Variants in ZNF226 observed in about 807,000 individuals in gnomAD.
ZNF226 encodes Kruppel-associated box protein.
A neutral mutation model predicts 11.4 loss-of-function variants in ZNF226; 6 were observed. That is an observed-to-expected ratio of 0.53 (90% confidence interval 0.29 to 1.04). The LOEUF (loss-of-function observed/expected upper bound fraction) is 1.04. Ranked by LOEUF, ZNF226 falls within the 50% of genes least tolerant of loss-of-function variation. The pLI is 0.08. For missense variants in ZNF226, 1,058 were observed against 956.5 expected (o/e 1.11, Z -1.40); for synonymous variants, 350 against 322.8 (o/e 1.08, Z -0.90).
At chr19:44,169,934 C>T in intron 2 of ZNF226, 101 bp from the exon 3 acceptor site, 2 of 642,842 alleles carry the variant, frequency 3.1e-6, no homozygotes, top group Non-Finnish European at 5.0e-6. Context: ...AAAGCTGCAG[C>T]CACCCCAAGA....
the ZNF226 span, among the ~76,000 whole-genome samples, chr19:44,189,753 T>C: frequency 6.6e-6 from 1 of 152,228 alleles, no homozygotes; most frequent in Non-Finnish European, 1.5e-5. Context: ...AGTCTCATTA[T>C]GATAAAGATT....
the ZNF226 span, among the ~76,000 whole-genome samples, chr19:44,186,853 T>C: frequency 5.5e-5 from 8 of 146,564 alleles, no homozygotes; most frequent in Non-Finnish European, 8.9e-5. Flanking sequence ...TTAGGTACTT[T>C]CCTTTCATTT....
downstream of ZNF226, among the ~76,000 whole-genome samples, chr19:44,181,063 C>A (rs757707425): frequency 6.6e-6 from 1 of 152,126 alleles, no homozygotes; most frequent in Non-Finnish European, 1.5e-5. Context: ...GTGTCCAGTT[C>A]TTTTGGCCTT....
rs1400924491 is a variant in ZNF226, at chr19:44,175,708, T to C, written c.446T>C (p.Ile149Thr). The C allele has an allele frequency of 4.3e-6, 7 of 1,612,632 alleles. No homozygotes were observed. The highest frequency in any genetic ancestry group is 1.6e-4 in the Middle Eastern group (1 of 6,080). The part of the protein sequence containing the change: ...SIQISEDENY[I>T]VNKADGPNNT... ...CAAATTTCTGAAGATGAGAACTATA[T>C]AGTAAATAAAGCAGATGGTCCCAAT... The change falls in exon 6 of 6, where the codon ATA (isoleucine) becomes ACA (threonine). Residue 149 changes from isoleucine (I) to threonine (T), a missense_variant. Physicochemically the swap from Ile to Thr is moderately conservative, Grantham distance 89. Coordinates refer to ENST00000337433, the MANE Select transcript of ZNF226 (RefSeq NM_001032373.2).
Position 44,176,698 on chromosome 19 carries a change from T to C in ZNF226, c.1436T>C (p.Val479Ala). 2 of 1,613,306 alleles carry C rather than the reference T, an allele frequency of 1.2e-6. No individual in the cohort carries two copies. The highest frequency in any genetic ancestry group is 1.7e-6 in the Non-Finnish European group (2 of 1,179,812). The change falls in exon 6 of 6, where the codon GTA becomes GCA. Residue 479 changes from valine (V) to alanine (A), a missense_variant. By Grantham distance (64) the Val-to-Ala change is moderately conservative. Coordinates refer to ENST00000337433, the MANE Select transcript of ZNF226 (RefSeq NM_001032373.2). ...HTGEKSYICT[V>A]CGKGFTLSSN... ...GGAGAGAAGTCATACATATGTACTG[T>C]ATGTGGGAAAGGCTTTACTCTGAGT... is the stretch of plus-strand genomic sequence containing the variant.
At chr19:44,197,766 A>G in the ZNF226 span, among the ~76,000 whole-genome samples, 1 of 152,194 alleles carries the variant, frequency 6.6e-6, no homozygotes, top group Non-Finnish European at 1.5e-5. Flanking sequence ...TCTGCTTACA[A>G]GCCTTTTGAC....
Position 44,172,754 on chromosome 19 carries a change from A to G in ZNF226, c.143-106A>G, listed in dbSNP as rs548916116. ...AAGTCACAATTTAAATAAAAGTTTGAAAAACACTGCTTTCAGTGTCTTGAA... is the reference window on the plus strand; with the variant it reads ...AAGTCACAATTTAAATAAAAGTTTGGAAAACACTGCTTTCAGTGTCTTGAA... On this transcript the variant is annotated intron_variant, in intron 4 of 5. Coordinates refer to ENST00000337433, the MANE Select transcript of ZNF226 (RefSeq NM_001032373.2). The G allele has an allele frequency of 6.1e-5, 54 of 885,290 alleles. 1 individual carries two copies. The East Asian group carries it at 1.3e-3, about 21-fold the overall frequency. The allele number at this position is 885,290 out of a possible 1,614,324, so 54.8% of individuals were successfully genotyped here.
chr19:44,190,672 G>A, the ZNF226 span, among the ~76,000 whole-genome samples: 1 of 152,064 alleles, frequency 6.6e-6, no homozygotes, highest in African/African-American at 2.4e-5. Flanking sequence ...AGTCTAGAAA[G>A]CCAAACAAAG....
intron 3 of ZNF226, among the ~76,000 whole-genome samples, chr19:44,170,908 C>G (rs1175585887): frequency 7.2e-6 from 1 of 139,150 alleles, no homozygotes; most frequent in Non-Finnish European, 1.5e-5. Flanking sequence ...AAGACTCTGT[C>G]TCAAAAAAAA....
rs1970739469 is a variant in ZNF226 at position 44,176,936 on chromosome 19, T to A, written c.1674T>A (p.Pro558=). The A allele has an allele frequency of 6.2e-7, 1 of 1,611,888 alleles. No homozygotes were observed. Among genetic ancestry groups the A allele is most frequent in the African/African-American group, 1.3e-5 (1 of 74,258 alleles). The change falls in exon 6 of 6, where the codon CCT becomes CCA. Residue 558 remains proline (P), a synonymous_variant. Coordinates refer to ENST00000337433, the MANE Select transcript of ZNF226 (RefSeq NM_001032373.2). Reference sequence around the variant, plus strand: ...AGAAGGCCCACAGTATAGAGAAACCTTTTAAGTGTGAGGAGTGTGGGCAGG... The same window carrying A: ...AGAAGGCCCACAGTATAGAGAAACCATTTAAGTGTGAGGAGTGTGGGCAGG... ...IHQKAHSIEK[P]FKCEECGQGF...
In ZNF226 at chr19:44,172,127, G is replaced by A; in HGVS notation, c.55G>A (p.Glu19Lys). 1 of 1,613,328 alleles carries A rather than the reference G, an allele frequency of 6.2e-7. No homozygotes were observed. Among genetic ancestry groups the A allele is most frequent in the South Asian group, 1.1e-5 (1 of 91,076 alleles). The change falls in exon 4 of 6, where the codon GAG (glutamate) becomes AAG (lysine). Residue 19 changes from glutamate (E) to lysine (K), a missense_variant. Coordinates refer to ENST00000337433, the MANE Select transcript of ZNF226 (RefSeq NM_001032373.2). ...TFKDVAVAFT[E>K]EELGLLGPAQ... Reference sequence around the variant, plus strand: ...CAAGGACGTGGCTGTGGCCTTCACGGAGGAGGAATTGGGGCTGCTGGGCCC... The same window carrying A: ...CAAGGACGTGGCTGTGGCCTTCACGAAGGAGGAATTGGGGCTGCTGGGCCC...
At chr19:44,178,279 A>G (rs534136979), downstream of ZNF226, 6 of 152,646 alleles carry the variant, frequency 3.9e-5, 1 homozygote, top group African/African-American at 1.4e-4. Context: ...TACCATATAG[A>G]TTCAATTATC....
chr19:44,189,988 G>A, the ZNF226 span, among the ~76,000 whole-genome samples: 1 of 152,178 alleles, frequency 6.6e-6, no homozygotes, highest in African/African-American at 2.4e-5. Context: ...AATAACATGG[G>A]AGAAAATTAG....
chr19:44,179,633 T>G (rs532366640), downstream of ZNF226, among the ~76,000 whole-genome samples: 8 of 152,252 alleles, frequency 5.3e-5, no homozygotes, highest in African/African-American at 1.4e-4. Flanking sequence ...TAGGAATGCT[T>G]CTTAATTCTT....
At chr19:44,187,110 A>G in the ZNF226 span, among the ~76,000 whole-genome samples, 9 of 152,018 alleles carry the variant, frequency 5.9e-5, no homozygotes, top group African/African-American at 1.4e-4. The surrounding 1 kb of genome is among the most constrained non-coding windows in gnomAD (Gnocchi z 4.0). Flanking sequence ...TTTTGGTATC[A>G]GGTTAATGAT....
chr19:44,178,015 A>G (rs1210611532), downstream of ZNF226: 1 of 176,858 alleles, frequency 5.7e-6, no homozygotes, highest in Non-Finnish European at 1.2e-5. Context: ...ACAGGTGCTC[A>G]ATATTTGTTA....
Position 44,176,444 on chromosome 19 carries a change from T to C in ZNF226, c.1182T>C (p.Asp394=), listed in dbSNP as rs369207457. The part of the protein sequence containing the change: ...LHTGEKPFKC[D]ACGKSFSRNS... ...CTGGGGAGAAGCCATTCAAATGTGA[T>C]GCATGTGGTAAGAGCTTCAGTCGGA... Residue 394 remains aspartate (D), a synonymous_variant, in exon 6 of 6, where the codon GAT becomes GAC. Coordinates refer to ENST00000337433, the MANE Select transcript of ZNF226 (RefSeq NM_001032373.2). 3.1e-6 allele frequency: 5 copies of C among 1,613,892 alleles called. No homozygotes were observed. In the South Asian group the frequency reaches 3.3e-5, roughly 11 times the overall value.
intron 1 of ZNF226, 97 bp from the exon 2 acceptor site, chr19:44,165,660 G>A (rs915649441): frequency 1.3e-5 from 2 of 152,204 alleles, no homozygotes; most frequent in African/African-American, 2.4e-5. Context: ...TGAGGAAGGA[G>A]AGGGTTGCTT....
rs943541883 is a variant in ZNF226, at chr19:44,172,882, T to G, written c.165T>G (p.Asp55Glu). 1 of 1,604,906 alleles carries G rather than the reference T, an allele frequency of 6.2e-7. No individual in the cohort carries two copies. The highest frequency in any genetic ancestry group is 1.3e-5 in the African/African-American group (1 of 74,824). ...CAGGGCATCCACCCTTCAAACAAGA[T>G]GTATCACCTATAGAAAGAAATGAGC... ...LSVGHPPFKQ[D>E]VSPIERNEQL... Residue 55 changes from aspartate to glutamate, a missense_variant, in exon 5 of 6, where the codon GAT (aspartate) becomes GAG (glutamate). By Grantham distance (45) the Asp-to-Glu change is conservative. Coordinates refer to ENST00000337433, the MANE Select transcript of ZNF226 (RefSeq NM_001032373.2).
Sources: allele counts gnomAD v4.1 joint callset (sites outside exome capture counted in the v4.1 genomes callset), GRCh38; gene constraint gnomAD v4.1.1; non-coding constraint Gnocchi (gnomAD v3.1); transcripts MANE v1.5; gene names NCBI Gene and HGNC (gene_info 2026-07-23, HGNC 2026-07-21).